The following AHCY variants were observed in gnomAD, a reference collection of about 807,000 sequenced individuals.
The protein encoded by AHCY is S-adenosyl-L-homocysteine hydrolase.
A neutral mutation model predicts 45.4 loss-of-function variants in AHCY; 24 were observed. The ratio of observed to expected loss-of-function variants is 0.53; its 90% CI spans 0.38 to 0.74. The LOEUF is 0.74. Among genes scored for constraint, AHCY ranks in the 30% least tolerant of loss-of-function variants. AHCY has a pLI of 0.00. For synonymous variants in AHCY, 245 were observed against 235.1 expected, an observed-to-expected ratio of 1.04 and a Z score of -0.39; for missense variants, 449 against 594.1, an observed-to-expected ratio of 0.76 and a Z score of 2.54.
In AHCY at chr20:34,303,333, T is replaced by TG; in HGVS notation, c.-64dup. 6.5e-7 allele frequency: 1 copy of TG among 1,549,946 alleles called. No individual in the cohort carries two copies. Among genetic ancestry groups the TG allele is most frequent in the South Asian group, 1.2e-5 (1 of 84,008 alleles). On this transcript the variant is annotated 5_prime_UTR_variant, in exon 1 of 10. Coordinates refer to ENST00000217426, the MANE Select transcript of AHCY (RefSeq NM_000687.4). ...TGGGCCTCAGTCTGGGAACAGGAAC[T>TG]GGGCGGGCAGCGCCGAGCAGGGATA...
the AHCY span, among the ~76,000 whole-genome samples, chr20:34,272,655 G>A: frequency 2.0e-4 from 31 of 152,194 alleles, no homozygotes; most frequent in Non-Finnish European, 2.9e-5. Flanking sequence ...GGGAAGCCAA[G>A]GTGGGAGGAT....
upstream of AHCY, among the ~76,000 whole-genome samples, chr20:34,304,072 A>C (rs1194908178): frequency 6.6e-6 from 1 of 152,224 alleles, no homozygotes; most frequent in African/African-American, 2.4e-5. Flanking sequence ...CCTTACTCCA[A>C]GTAACCAACA....
the AHCY span, among the ~76,000 whole-genome samples, chr20:34,232,824 A>G: frequency 6.6e-6 from 1 of 152,220 alleles, no homozygotes; most frequent in Non-Finnish European, 1.5e-5. Flanking sequence ...TTAATAGCAC[A>G]TGGACTGGTT....
the AHCY span, chr20:34,262,910 TC>T: frequency 1.2e-6 from 2 of 1,613,630 alleles, no homozygotes; most frequent in Non-Finnish European, 1.7e-6. Context: ...GCAGGGAAGT[TC>T]TGGGAGTTCT....
chr20:34,265,633 A>G, the AHCY span, among the ~76,000 whole-genome samples: 1 of 151,916 alleles, frequency 6.6e-6, no homozygotes, highest in African/African-American at 2.4e-5. Context: ...ATCACTTACC[A>G]TAAATAGAAG....
chr20:34,251,582 G>C, the AHCY span, among the ~76,000 whole-genome samples: 1 of 152,280 alleles, frequency 6.6e-6, no homozygotes, highest in South Asian at 2.1e-4. Context: ...CCTTCTCTGT[G>C]TAACTATTTA....
the AHCY span, chr20:34,260,346 C>G: frequency 6.2e-7 from 1 of 1,601,664 alleles, no homozygotes; most frequent in South Asian, 1.1e-5. Flanking sequence ...CACCTGACCA[C>G]CTTCTCTGTC....
Position 34,295,402 on chromosome 20 carries a change from C to T in AHCY, c.212G>A (p.Gly71Asp). 6.2e-7 allele frequency: 1 copy of T among 1,614,066 alleles called. No individual in the cohort carries two copies. Among genetic ancestry groups the T allele is most frequent in the Non-Finnish European group, 8.5e-7 (1 of 1,179,938 alleles). ...AVLIETLVTLGAEVQWSSCNI... is the reference protein window; with the variant it reads ...AVLIETLVTLDAEVQWSSCNI... Reference sequence around the variant, plus strand: ...TACAGCTGTGGGCCTCACCTCAGCACCCAGGGTGACGAGGGTCTCAATGAG... The same window carrying T: ...TACAGCTGTGGGCCTCACCTCAGCATCCAGGGTGACGAGGGTCTCAATGAG... The change falls in exon 2 of 10, where the codon GGT (glycine) becomes GAT (aspartate). Residue 71 changes from glycine (G) to aspartate (D), a missense_variant. Coordinates refer to ENST00000217426, the MANE Select transcript of AHCY (RefSeq NM_000687.4).
chr20:34,268,614 T>G, the AHCY span, among the ~76,000 whole-genome samples: 1 of 151,556 alleles, frequency 6.6e-6, no homozygotes, highest in Admixed American at 6.6e-5. Flanking sequence ...TGCGCACATG[T>G]GGTCCCAGCT....
rs2035973027 is a variant in AHCY at position 34,280,786 on chromosome 20, G to GA, written c.*247dup. On this transcript the variant is annotated 3_prime_UTR_variant, in exon 10 of 10. Coordinates refer to ENST00000217426, the MANE Select transcript of AHCY (RefSeq NM_000687.4). ...CTTAGTGAGCTGTTCCAAGACCACT[G>GA]AGCTCATGGTTCCCTGTGGCTGGGA... The GA allele has an allele frequency of 1.8e-6, 1 of 555,342 alleles. No individual in the cohort carries two copies. The allele number at this position is 555,342 out of a possible 1,614,324, so 34.4% of individuals were successfully genotyped here.
chr20:34,302,564 A>G, intron 1 of AHCY: 1 of 954,626 alleles, frequency 1.0e-6, no homozygotes, highest in Non-Finnish European at 1.2e-6. Flanking sequence ...GCTAGAAGGC[A>G]GTGCCGATCC....
chr20:34,282,733 C>T (rs1015864181), intron 9 of AHCY, among the ~76,000 whole-genome samples: 1 of 152,156 alleles, frequency 6.6e-6, no homozygotes, highest in African/African-American at 2.4e-5. Context: ...TCAAGCATCC[C>T]AGCTTATGGC....
chr20:34,271,726 AG>A, the AHCY span, among the ~76,000 whole-genome samples: 2 of 151,894 alleles, frequency 1.3e-5, no homozygotes, highest in Non-Finnish European at 2.9e-5. Flanking sequence ...CCAACACACC[AG>A]CTAATTTTTG....
intron 9 of AHCY, among the ~76,000 whole-genome samples, chr20:34,283,856 C>T (rs1229078299): frequency 6.6e-6 from 1 of 152,204 alleles, no homozygotes; most frequent in African/African-American, 2.4e-5. Context: ...GTAGAACCAG[C>T]CTTTCAAAAG....
the AHCY span, chr20:34,262,747 C>T: frequency 4.3e-5 from 64 of 1,502,910 alleles, no homozygotes; most frequent in Non-Finnish European, 5.8e-5. Context: ...TTGTGACTTC[C>T]CAAGCCCCCT....
upstream of AHCY, among the ~76,000 whole-genome samples, chr20:34,307,558 G>A (rs2036908616): frequency 6.6e-6 from 1 of 152,166 alleles, no homozygotes; most frequent in Non-Finnish European, 1.5e-5. Flanking sequence ...TTTTAGTAGA[G>A]ATGGGGTTTC....
At chr20:34,292,139 T>G (rs2036417230) in intron 4 of AHCY, among the ~76,000 whole-genome samples, 1 of 152,262 alleles carries the variant, frequency 6.6e-6, no homozygotes, top group Admixed American at 6.5e-5. Context: ...ACCATGGCCC[T>G]GTCTGTGCCT....
intron 1 of AHCY, among the ~76,000 whole-genome samples, chr20:34,296,441 C>T (rs1425262487): frequency 6.6e-6 from 1 of 152,130 alleles, no homozygotes; most frequent in Non-Finnish European, 1.5e-5. Context: ...TCAGGTGTTG[C>T]CACCTAAAAT....
the AHCY span, among the ~76,000 whole-genome samples, chr20:34,265,446 C>T: frequency 6.6e-6 from 1 of 152,020 alleles, no homozygotes; most frequent in African/African-American, 2.4e-5. Context: ...ATCGCTTGAG[C>T]CTGGGATATC....
Sources: allele counts gnomAD v4.1 joint callset (sites outside exome capture counted in the v4.1 genomes callset), GRCh38; gene constraint gnomAD v4.1.1; transcripts MANE v1.5; gene names NCBI Gene and HGNC (gene_info 2026-07-23, HGNC 2026-07-21).